TMC7: variants seen among roughly 807,000 people sequenced by gnomAD.
The protein encoded by TMC7 is transmembrane channel-like protein 7.
Under a neutral mutation model 82.9 loss-of-function variants are expected in TMC7, and 54 were observed. The ratio of observed to expected loss-of-function variants is 0.65; its 90% CI spans 0.52 to 0.82. TMC7 has a LOEUF of 0.82. TMC7 is among the 40% of genes least tolerant of loss of function. The pLI, the probability that TMC7 is intolerant of heterozygous loss-of-function variation, is 0.00. For missense variants in TMC7, 820 were observed against 901.2 expected, an observed-to-expected ratio of 0.91 and a Z score of 1.15; for synonymous variants, 350 against 337.9, an observed-to-expected ratio of 1.04 and a Z score of -0.39.
chr16:19,024,998 G>A (rs1244088403), intron 5 of TMC7, among the ~76,000 whole-genome samples: 5 of 151,986 alleles, frequency 3.3e-5, no homozygotes, highest in African/African-American at 1.2e-4. Context: ...AGAGTGAGAC[G>A]CTGTCTCAGA....
chr16:19,038,808 G>A (rs996341463), intron 8 of TMC7, among the ~76,000 whole-genome samples: 4 of 151,988 alleles, frequency 2.6e-5, no homozygotes, highest in African/African-American at 9.7e-5. Context: ...GTTAGCCACC[G>A]CACCTGGCCT....
At chr16:19,045,163 C>T in intron 10 of TMC7, 162 bp downstream of exon 10, 2 of 829,850 alleles carry the variant, frequency 2.4e-6, no homozygotes, top group South Asian at 1.5e-5. Flanking sequence ...TAACCCCAGG[C>T]ACTTCTGAGG....
Position 18,992,252 on chromosome 16 carries a change from G to C in TMC7, c.67+8122G>C, listed in dbSNP as rs182608603. ...TTCCTATTTCTCCACATCCTCTCCA[G>C]CGCCTGTTGTTTCCTGACTTTTTAA... On this transcript the variant is annotated intron_variant, in intron 1 of 15. Coordinates refer to ENST00000304381, the MANE Select transcript of TMC7 (RefSeq NM_024847.4). Among the ~76,000 whole-genome samples, 647 of 152,260 alleles carry C rather than the reference G, an allele frequency of 4.2e-3. 3 individuals are homozygous for C. Among genetic ancestry groups the C allele is most frequent in the Non-Finnish European group, 7.0e-3 (478 of 68,028 alleles).
At chr16:19,061,712 TGGTA>T (rs1962019209) in intron 15 of TMC7, 62 bp from the exon 16 acceptor site, 1 of 1,393,470 alleles carries the variant, frequency 7.2e-7, no homozygotes. Flanking sequence ...GCCCTCAGTC[TGGTA>T]GGTAATGATG....
intron 9 of TMC7, among the ~76,000 whole-genome samples, chr16:19,042,285 C>T (rs569748529): frequency 1.3e-5 from 2 of 152,116 alleles, no homozygotes; most frequent in East Asian, 3.9e-4. Flanking sequence ...AGTGACCCTC[C>T]TGCCTCAGTC....
intron 1 of TMC7, among the ~76,000 whole-genome samples, chr16:19,000,994 CAG>C (rs2039132013): frequency 6.6e-6 from 1 of 152,026 alleles, no homozygotes; most frequent in South Asian, 2.1e-4. Context: ...GTGTGGGTGA[CAG>C]AGTGAGATCC....
At chr16:19,061,458 T>G (rs1289621093) in intron 15 of TMC7, among the ~76,000 whole-genome samples, 3 of 150,880 alleles carry the variant, frequency 2.0e-5, no homozygotes, top group Non-Finnish European at 4.4e-5. Context: ...CTAATTTTTG[T>G]ATTTTTAGTA....
At chr16:19,059,097 C>T (rs1301551407) in intron 14 of TMC7, among the ~76,000 whole-genome samples, 2 of 152,104 alleles carry the variant, frequency 1.3e-5, no homozygotes, top group East Asian at 1.9e-4. Flanking sequence ...AGGCTGGTCT[C>T]AAATTCCTGA....
At chr16:18,989,600 C>A (rs2038912408) in intron 1 of TMC7, among the ~76,000 whole-genome samples, 1 of 140,876 alleles carries the variant, frequency 7.1e-6, no homozygotes, top group South Asian at 2.3e-4. Context: ...CCTGAGCGAT[C>A]ACCACATACC....
At chr16:19,043,819 G>A (rs547158969) in intron 9 of TMC7, among the ~76,000 whole-genome samples, 33 of 152,182 alleles carry the variant, frequency 2.2e-4, no homozygotes, top group African/African-American at 7.9e-4. Context: ...TGATCTGCCT[G>A]CCTCTACCTC....
intron 8 of TMC7, among the ~76,000 whole-genome samples, chr16:19,038,720 G>T (rs1054201328): frequency 6.6e-6 from 1 of 152,046 alleles, no homozygotes. Context: ...GTTTCACCAT[G>T]TTGGCCAGGC....
At chr16:18,985,191 G>A (rs1393113897) in intron 1 of TMC7, among the ~76,000 whole-genome samples, 1 of 151,844 alleles carries the variant, frequency 6.6e-6, no homozygotes, top group African/African-American at 2.4e-5. Flanking sequence ...CCCGGGAGGC[G>A]GAGGTTGCAG....
At position 19,040,377 on chromosome 16, in the gene TMC7, T is replaced by A. The variant is rs779534768; in HGVS notation, c.1268T>A (p.Met423Lys). The change falls in exon 9 of 16, where the codon ATG becomes AAG. Residue 423 changes from methionine to lysine, a missense_variant. By Grantham distance (95) the Met-to-Lys change is moderately conservative. Coordinates refer to ENST00000304381, the MANE Select transcript of TMC7 (RefSeq NM_024847.4). ...ACGCTGGCCAATTTTATCACCCCAA[T>A]GATCTTTGCCAAGATCATCCGCTAT... ...VITLANFITP[M>K]IFAKIIRYED... 6 of 1,613,982 alleles carry A rather than the reference T, an allele frequency of 3.7e-6. No individual in the cohort carries two copies. The highest frequency in any genetic ancestry group is 5.1e-6 in the Non-Finnish European group (6 of 1,180,002).
In TMC7 at chr16:19,051,733, A is replaced by G. The variant is rs139681583; in HGVS notation, c.1788A>G (p.Ala596=). Residue 596 remains alanine (A), a synonymous_variant, in exon 13 of 16, where the codon GCA becomes GCG. Coordinates refer to ENST00000304381, the MANE Select transcript of TMC7 (RefSeq NM_024847.4). ...GACCCTCCCCCAGGCCGTTCAGAGCATCCAATTCTAATTTCTTCTTCCTGT... is the reference window on the plus strand; with the variant it reads ...GACCCTCCCCCAGGCCGTTCAGAGCGTCCAATTCTAATTTCTTCTTCCTGT... The part of the protein sequence containing the change: ...TCRPSPRPFR[A]SNSNFFFLLV... 57 of 1,613,926 alleles carry G rather than the reference A, an allele frequency of 3.5e-5. No individual in the cohort carries two copies. The highest frequency in any genetic ancestry group is 4.7e-5 in the Non-Finnish European group (55 of 1,180,012).
At chr16:19,015,670 C>A (rs569936473) in intron 2 of TMC7, among the ~76,000 whole-genome samples, 1 of 151,918 alleles carries the variant, frequency 6.6e-6, no homozygotes, top group South Asian at 2.1e-4. Flanking sequence ...CTCCGCCTCC[C>A]GGGTTCAAGA....
At chr16:18,995,614 C>A (rs558516400) in intron 1 of TMC7, among the ~76,000 whole-genome samples, 1 of 152,198 alleles carries the variant, frequency 6.6e-6, no homozygotes, top group Non-Finnish European at 1.5e-5. Context: ...GGGAGGCGGT[C>A]CTGGAGGAAC....
intron 1 of TMC7, among the ~76,000 whole-genome samples, chr16:19,006,339 C>A (rs1022974399): frequency 6.6e-6 from 1 of 152,120 alleles, no homozygotes; most frequent in Admixed American, 6.5e-5. Context: ...CACGCGCTAG[C>A]GTGCCCAGCT....
Position 19,047,150 on chromosome 16 carries a change from A to G in TMC7, c.1641A>G (p.Ile547Met). The G allele has an allele frequency of 6.2e-7, 1 of 1,614,056 alleles. No individual in the cohort carries two copies. The highest frequency in any genetic ancestry group is 8.5e-7 in the Non-Finnish European group (1 of 1,180,016). The change falls in exon 12 of 16, where the codon ATA becomes ATG. Residue 547 changes from isoleucine to methionine, a missense_variant. Around this residue, in one of 2 missense-constraint regions of TMC7, gnomAD observed 170 missense variants for 231.3 expected, o/e 0.74. Transcript: ENST00000304381. ...EFAIPDNVLG[I>M]VYGQTICWIG... ...CCATTCCTGATAACGTCCTGGGGATAGTTTACGGGCAAACCATCTGCTGGA... is the reference window on the plus strand; with the variant it reads ...CCATTCCTGATAACGTCCTGGGGATGGTTTACGGGCAAACCATCTGCTGGA...
intron 6 of TMC7, chr16:19,033,534 A>C (rs1481206093): frequency 6.6e-6 from 1 of 152,110 alleles, no homozygotes; most frequent in Non-Finnish European, 1.5e-5. Context: ...AATACAAATA[A>C]TTAGCTAGGT....
Sources: gnomAD v4.1 joint callset for allele counts (sites outside exome capture counted in the v4.1 genomes callset) on GRCh38, gnomAD v4.1.1 for gene constraint, gnomAD v4.1.1 regional missense constraint, MANE v1.5 for transcripts, NCBI Gene and HGNC (gene_info 2026-07-23, HGNC 2026-07-21) for gene names.